CPT1A: variants seen among roughly 807,000 people sequenced by gnomAD.
The protein encoded by CPT1A is carnitine O-palmitoyltransferase 1, liver isoform.
Under a neutral mutation model 100.8 loss-of-function variants are expected in CPT1A, and 64 were observed. The observed-to-expected ratio is 0.63, with a 90% confidence interval of 0.52 to 0.78. CPT1A has a LOEUF of 0.78. Ranked by LOEUF, CPT1A falls within the 30% of genes least tolerant of loss-of-function variation. CPT1A has a pLI of 0.00. For synonymous variants in CPT1A, 363 were observed against 396.0 expected (o/e 0.92, Z 0.99); for missense variants, 802 against 1,034.1 (o/e 0.78, Z 3.08).
intron 1 of CPT1A, among the ~76,000 whole-genome samples, chr11:68,829,710 C>T (rs566891668): frequency 6.6e-6 from 1 of 152,282 alleles, no homozygotes; most frequent in African/African-American, 2.4e-5. Context: ...GGAGGCAGCT[C>T]TGGGTAAGTA....
intron 7 of CPT1A, 34 bp downstream of exon 7, chr11:68,796,822 C>T (rs745593232): frequency 4.4e-6 from 7 of 1,608,392 alleles, no homozygotes; most frequent in Middle Eastern, 1.7e-4. Context: ...CCCCACCGTC[C>T]TCGTCAGACA....
At chr11:68,827,305 C>G (rs1856757839) in intron 1 of CPT1A, among the ~76,000 whole-genome samples, 1 of 152,170 alleles carries the variant, frequency 6.6e-6, no homozygotes, top group Non-Finnish European at 1.5e-5. Context: ...TGCACTCCAG[C>G]CTGGGCGACA....
rs1057516586 is a variant in CPT1A at position 68,773,294 on chromosome 11, G to A, written c.1711C>T (p.Gln571Ter). 1 of 1,614,126 alleles carries A rather than the reference G, an allele frequency of 6.2e-7. No homozygotes were observed. Residue 571 changes from glutamine (Q) to a stop codon, truncating the protein, a stop_gained, in exon 14 of 19, where the codon CAG becomes TAG. Transcript: ENST00000265641. LOFTEE classifies it high-confidence loss of function. ...TAGTGCGCCAGCTGGAGGGCCAGCT[G>A]CACAAAGGCGTCTGGGCTCGTGCGA... ...KCRTSPDAFV[Q>*]LALQLAHYKD...
chr11:68,782,609 C>T (rs1352423755), intron 10 of CPT1A, among the ~76,000 whole-genome samples: 13 of 152,188 alleles, frequency 8.5e-5, no homozygotes, highest in Admixed American at 8.5e-4. Flanking sequence ...ATGCCCACTT[C>T]CTTCTTGGAA....
chr11:68,771,329 G>A (rs1304784009), intron 14 of CPT1A, among the ~76,000 whole-genome samples: 1 of 152,192 alleles, frequency 6.6e-6, no homozygotes, highest in African/African-American at 2.4e-5. Context: ...GCGCTTACTT[G>A]CAGGGAATTC....
chr11:68,786,136 A>C lies in CPT1A; in HGVS notation c.968-1126T>G, dbSNP rs57385761. 3.7e-4 allele frequency: 253 copies of C among 693,072 alleles called. 1 individual carries two copies. The African/African-American group carries it at 3.8e-3, about 10-fold the overall frequency. The allele number at this position is 693,072 out of a possible 1,614,324, so 42.9% of individuals were successfully genotyped here. On this transcript the variant is annotated intron_variant, in intron 9 of 18. Transcript: ENST00000265641. ...CAGCACTTCAGGAGGCCAAGGAGGG[A>C]GGATTGCTTGAGCCCAGGAGTTTGG... is the stretch of plus-strand genomic sequence containing the variant.
At chr11:68,836,491 C>A (rs1336151847) in intron 1 of CPT1A, among the ~76,000 whole-genome samples, 1 of 151,248 alleles carries the variant, frequency 6.6e-6, no homozygotes, top group Non-Finnish European at 1.5e-5. Context: ...GAAAAAAAAA[C>A]TCCTGGCGCA....
At chr11:68,844,072 AG>A (rs1857206099), upstream of CPT1A, 2 of 152,218 alleles carry the variant, frequency 1.3e-5, no homozygotes, top group South Asian at 4.1e-4. Context: ...CGCGCCGCCT[AG>A]GTGCCACCTG....
At chr11:68,813,708 AG>A (rs1566376279) in intron 2 of CPT1A, among the ~76,000 whole-genome samples, 14 of 147,648 alleles carry the variant, frequency 9.5e-5, no homozygotes, top group South Asian at 4.6e-4. Context: ...AAAAAAAAAA[AG>A]AGGGGAGGGG....
intron 1 of CPT1A, among the ~76,000 whole-genome samples, chr11:68,816,021 G>C (rs1006773686): frequency 2.0e-5 from 3 of 148,124 alleles, no homozygotes; most frequent in African/African-American, 7.5e-5. Context: ...GACGTCCCCC[G>C]GAACCACGCC....
rs1946712601 is a variant in CPT1A at position 68,757,410 on chromosome 11, G to A, written c.*234C>T. ...AATCCAAGCCGATGCGGAGACATCAGGGGAGACTTTATCAGATGTCCCCCA... is the reference window on the plus strand; with the variant it reads ...AATCCAAGCCGATGCGGAGACATCAAGGGAGACTTTATCAGATGTCCCCCA... On this transcript the variant is annotated 3_prime_UTR_variant, in exon 19 of 19. Transcript: ENST00000265641. 13 of 1,410,378 alleles carry A rather than the reference G, an allele frequency of 9.2e-6. No individual in the cohort carries two copies. The highest frequency in any genetic ancestry group is 1.2e-5 in the Non-Finnish European group (13 of 1,086,296). The allele number at this position is 1,410,378 out of a possible 1,614,324, so 87.4% of individuals were successfully genotyped here.
chr11:68,766,248 ACC>A, intron 14 of CPT1A, among the ~76,000 whole-genome samples: 1 of 151,712 alleles, frequency 6.6e-6, no homozygotes, highest in East Asian at 2.0e-4. Context: ...ACCTTGAAGG[ACC>A]CCTGAGAAGG....
intron 2 of CPT1A, 111 bp from the exon 3 acceptor site, chr11:68,812,687 G>T: frequency 4.6e-6 from 6 of 1,299,670 alleles, no homozygotes; most frequent in Non-Finnish European, 6.6e-6. Flanking sequence ...GTGAGAAGAG[G>T]GTGTGGACAG....
rs775295785 is a variant in CPT1A at position 68,804,032 on chromosome 11, G to C, written c.523C>G (p.Pro175Ala). The C allele has an allele frequency of 1.2e-6, 2 of 1,614,112 alleles. No individual in the cohort carries two copies. Among genetic ancestry groups the C allele is most frequent in the Non-Finnish European group, 8.5e-7 (1 of 1,179,948 alleles). ...YSFQTSLPRL[P>A]VPAVKDTVNR... ...ACAGTGTCTTTGACAGCCGGGACCG[G>C]CAGGCGAGGCAGCGATGTCTGGAAG... is the stretch of plus-strand genomic sequence containing the variant. The change falls in exon 5 of 19, where the codon CCG becomes GCG. Residue 175 changes from proline (P) to alanine (A), a missense_variant. This residue lies in a region of CPT1A where 627 missense variants were observed against 799.3 expected (regional missense o/e 0.78). Coordinates refer to ENST00000265641, the MANE Select transcript of CPT1A (RefSeq NM_001876.4).
intron 14 of CPT1A, among the ~76,000 whole-genome samples, chr11:68,772,326 C>T (rs909630501): frequency 2.6e-5 from 4 of 152,112 alleles, no homozygotes; most frequent in Admixed American, 2.6e-4. Context: ...ACACTCCAGC[C>T]TGGGTAACAA....
chr11:68,805,375 C>T (rs1337794655), intron 4 of CPT1A, among the ~76,000 whole-genome samples: 3 of 151,460 alleles, frequency 2.0e-5, no homozygotes, highest in African/African-American at 4.9e-5. Context: ...CGCTTGAGCC[C>T]GGGAGGCGGA....
At chr11:68,765,977 T>C (rs1236349068) in intron 14 of CPT1A, among the ~76,000 whole-genome samples, 2 of 151,784 alleles carry the variant, frequency 1.3e-5, no homozygotes, top group African/African-American at 2.4e-5. Flanking sequence ...GTTCAAGCAA[T>C]TCTCATGCCT....
chr11:68,797,049 C>T (rs1038343344), intron 6 of CPT1A, 116 bp from the exon 7 acceptor site: 6 of 939,418 alleles, frequency 6.4e-6, no homozygotes, highest in African/African-American at 1.6e-5. Context: ...GACATTTCGG[C>T]GTCTAACAGG....
chr11:68,772,880 C>T (rs1337840027), intron 14 of CPT1A, among the ~76,000 whole-genome samples: 1 of 152,014 alleles, frequency 6.6e-6, no homozygotes, highest in East Asian at 1.9e-4. Context: ...GCAGATTTAC[C>T]GAGCGCCAGA....
Sources: gnomAD v4.1 joint callset for allele counts (sites outside exome capture counted in the v4.1 genomes callset) on GRCh38, gnomAD v4.1.1 for gene constraint, gnomAD v4.1.1 regional missense constraint, MANE v1.5 for transcripts, NCBI Gene and HGNC (gene_info 2026-07-23, HGNC 2026-07-21) for gene names.